The following POLRMT variants were observed in gnomAD, a reference collection of about 807,000 sequenced individuals.
The protein encoded by POLRMT is RNA polymerase mitochondrial.
In POLRMT, 114 loss-of-function variants were observed where a neutral mutation model predicts 132.2. The observed-to-expected ratio is 0.86, with a 90% CI of 0.74 to 1.01. The LOEUF (loss-of-function observed/expected upper bound fraction) is 1.01, where lower values mean the gene tolerates loss of function less well. Among genes scored for constraint, POLRMT ranks in the 50% least tolerant of loss-of-function variants. The pLI is 0.00. For synonymous variants in POLRMT, 1,020 were observed against 773.4 expected (o/e 1.32, Z -5.29); for missense variants, 2,003 against 1,729.1 (o/e 1.16, Z -2.81).
intron 3 of POLRMT, 72 bp downstream of exon 3, chr19:629,468 T>C: frequency 7.3e-7 from 1 of 1,373,004 alleles, no homozygotes; most frequent in Non-Finnish European, 9.5e-7. Context: ...GAGAGAAAAG[T>C]CCAGTCTAAA....
Position 623,559 on chromosome 19 carries a change from G to A in POLRMT, c.1185C>T (p.Thr395=), listed in dbSNP as rs745811844. ...SYPKLHLPLK[T]LQCLFEKQLH... ...GCTGCTTCTCAAAGAGGCACTGCAG[G>A]GTCTTCAAGGGCAGGTGCAGCTTCG... The change falls in exon 6 of 21, where the codon ACC becomes ACT. Residue 395 remains threonine, a synonymous_variant. Coordinates refer to ENST00000588649, the MANE Select transcript of POLRMT (RefSeq NM_005035.4). 1.9e-6 allele frequency: 3 copies of A among 1,613,708 alleles called. No homozygotes were observed. The highest frequency in any genetic ancestry group is 1.7e-5 in the Admixed American group (1 of 60,026).
In POLRMT at chr19:629,890, T is replaced by A. The variant is rs1025070724; in HGVS notation, c.472A>T (p.Arg158Trp). 6.2e-7 allele frequency: 1 copy of A among 1,612,318 alleles called. No individual in the cohort carries two copies. Among genetic ancestry groups the A allele is most frequent in the African/African-American group, 1.3e-5 (1 of 74,868 alleles). ...AGCCGGGGCTCCACCTGCAGGCGCC[T>A]GGTCAGCGCCTTGAACTCCCCGCTC... ...FQSGEFKALT[R>W]RLQVEPRLLS... The change falls in exon 3 of 21, where the codon AGG (arginine) becomes TGG (tryptophan). Residue 158 changes from arginine to tryptophan, a missense_variant. Physicochemically the swap from Arg to Trp is moderately radical, Grantham distance 101 (BLOSUM62 -3). Transcript: ENST00000588649.
At chr19:617,720 C>T (rs1421962678) in intron 18 of POLRMT, 57 bp downstream of exon 18, 28 of 1,611,092 alleles carry the variant, frequency 1.7e-5, no homozygotes, top group East Asian at 2.2e-5. Context: ...CCCTACCCAA[C>T]GCCCCAGTGT....
At chr19:620,268 G>A (rs1984413064) in intron 11 of POLRMT, 97 bp downstream of exon 11, 5 of 1,461,566 alleles carry the variant, frequency 3.4e-6, no homozygotes, top group African/African-American at 1.4e-5. Context: ...CACCTCCAGA[G>A]AATACCACGA....
At chr19:632,975 C>G in intron 1 of POLRMT, 37 bp from the exon 2 acceptor site, 3 of 1,425,644 alleles carry the variant, frequency 2.1e-6, no homozygotes, top group South Asian at 1.3e-5. Context: ...CGGGGCCGGG[C>G]GTGTGGGCGG....
At chr19:626,898 C>CACACACACACACACAAAT (rs371959370) in intron 3 of POLRMT, among the ~76,000 whole-genome samples, 1 of 146,736 alleles carries the variant, frequency 6.8e-6, no homozygotes, top group African/African-American at 2.5e-5. Flanking sequence ...CACACACACA[C>CACACACACACACACAAAT]ATATATATAT....
In POLRMT at chr19:618,870, C is replaced by T. The variant is rs530562168; in HGVS notation, c.3268-110G>A. ...GCACGCTAGGATGGTGGCACACTGGCGCGGGATGGGGTGGCACACTGGGGC... is the reference window on the plus strand; with the variant it reads ...GCACGCTAGGATGGTGGCACACTGGTGCGGGATGGGGTGGCACACTGGGGC... On this transcript the variant is annotated intron_variant, in intron 15 of 20. Coordinates refer to ENST00000588649, the MANE Select transcript of POLRMT (RefSeq NM_005035.4). 1.8e-5 allele frequency: 25 copies of T among 1,395,334 alleles called. No individual in the cohort carries two copies. The East Asian group carries it at 3.3e-4, about 18-fold the overall frequency. 86.4% of individuals were successfully genotyped at this position (1,395,334 alleles called of 1,614,324 possible).
rs374568410 is a variant in POLRMT, at chr19:619,051, G to A, written c.3213C>T (p.Val1071=). The A allele has an allele frequency of 1.9e-6, 3 of 1,607,874 alleles. No homozygotes were observed. Among genetic ancestry groups the A allele is most frequent in the Non-Finnish European group, 2.5e-6 (3 of 1,177,532 alleles). ...GGATGACGGGGACGCCCAGGGGTGTGACCCACTCCACCACAGAGCCCATGT... is the reference window on the plus strand; with the variant it reads ...GGATGACGGGGACGCCCAGGGGTGTAACCCACTCCACCACAGAGCCCATGT... The part of the protein sequence containing the change: ...ISHMGSVVEW[V]TPLGVPVIQP... Residue 1071 remains valine (V), a synonymous_variant, in exon 15 of 21, where the codon GTC becomes GTT. Coordinates refer to ENST00000588649, the MANE Select transcript of POLRMT (RefSeq NM_005035.4).
At chr19:620,343 G>C (rs754714028) in intron 11 of POLRMT, 22 bp downstream of exon 11, 3 of 1,554,894 alleles carry the variant, frequency 1.9e-6, no homozygotes, top group South Asian at 2.4e-5. Flanking sequence ...ACGGCCTCGG[G>C]GGCCAGACCC....
rs763208241 is a variant in POLRMT at position 617,433 on chromosome 19, G to A, written c.3629C>T (p.Ala1210Val). The A allele has an allele frequency of 1.1e-5, 17 of 1,611,828 alleles. No individual in the cohort carries two copies. In the Admixed American group the frequency reaches 1.5e-4, roughly 14 times the overall value. ...CACCCGCCTACCTGGCTTGGGCACC[G>A]CCTGCAGTGTCTCCTTCAGCTGGCT... is the stretch of plus-strand genomic sequence containing the variant. ...EASQLKETLQ[A>V]VPKPGAFDLE... Residue 1210 changes from alanine to valine, a missense_variant, in exon 20 of 21, where the codon GCG becomes GTG. Physicochemically the swap from Ala to Val is moderately conservative, Grantham distance 64 (BLOSUM62 0). Transcript: ENST00000588649.
intron 19 of POLRMT, 28 bp downstream of exon 19, chr19:617,542 A>T: frequency 6.2e-7 from 1 of 1,609,678 alleles, no homozygotes. Context: ...GGGGGAATCC[A>T]GGTAGTTGGG....
At chr19:618,449 G>T in intron 17 of POLRMT, 39 bp downstream of exon 17, 1 of 1,486,516 alleles carries the variant, frequency 6.7e-7, no homozygotes, top group South Asian at 1.2e-5. Context: ...AGACGCCCCT[G>T]GGAGGCGAGC....
At position 624,591 on chromosome 19, in the gene POLRMT, A is replaced by T. The variant is rs1196394762; in HGVS notation, c.1140+128T>A. The T allele has an allele frequency of 2.9e-6, 3 of 1,051,426 alleles. No homozygotes were observed. In the East Asian group the frequency reaches 8.0e-5, roughly 28 times the overall value. The allele number at this position is 1,051,426 out of a possible 1,614,324, so 65.1% of individuals were successfully genotyped here. A position where few individuals can be genotyped will look rare whatever the true frequency, so the allele number is the denominator to read the frequency against. Reference sequence around the variant, plus strand: ...TCCCATCTTCTCAGAGGAGGAAGGGAGGAATTCAGGGCCCAGCCCAGGTGA... The same window carrying T: ...TCCCATCTTCTCAGAGGAGGAAGGGTGGAATTCAGGGCCCAGCCCAGGTGA... On this transcript the variant is annotated intron_variant, in intron 5 of 20. Coordinates refer to ENST00000588649, the MANE Select transcript of POLRMT (RefSeq NM_005035.4).
Position 633,487 on chromosome 19 carries a change from C to T in POLRMT, c.26G>A (p.Gly9Glu). ...TAGGGCTCGTTTGAGCCCCGCCGCT[C>T]CGCGGCCCCAGCAAAGTGCCGACAT... MSALCWGRGAAGLKRALRP... is the reference protein window; with the variant it reads MSALCWGREAAGLKRALRP... Residue 9 changes from glycine to glutamate, a missense_variant, in exon 1 of 21, where the codon GGA becomes GAA. Physicochemically the swap from Gly to Glu is moderately conservative, Grantham distance 98. Transcript: ENST00000588649. 6.4e-7 allele frequency: 1 copy of T among 1,559,114 alleles called. No homozygotes were observed. Among genetic ancestry groups the T allele is most frequent in the Non-Finnish European group, 8.7e-7 (1 of 1,154,964 alleles).
In POLRMT at chr19:619,776, G is replaced by A. The variant is rs545265989; in HGVS notation, c.2887-11C>T. 3 of 1,556,414 alleles carry A rather than the reference G, an allele frequency of 1.9e-6. No homozygotes were observed. Among genetic ancestry groups the A allele is most frequent in the Admixed American group, 1.9e-5 (1 of 53,476 alleles). ...ACGGAACACCTCCACCTGCACGGCG[G>A]GTGGGCCGGGGGCGCGGGTCAGCCC... On this transcript the variant is annotated splice_polypyrimidine_tract_variant and intron_variant, in intron 12 of 20. Coordinates refer to ENST00000588649, the MANE Select transcript of POLRMT (RefSeq NM_005035.4).
intron 2 of POLRMT, among the ~76,000 whole-genome samples, chr19:630,411 G>A (rs1213709753): frequency 2.6e-5 from 4 of 152,116 alleles, no homozygotes; most frequent in Non-Finnish European, 4.4e-5. Flanking sequence ...CTAACAAGCT[G>A]CCACCGAAAC....
chr19:632,682 A>C, intron 2 of POLRMT, 152 bp downstream of exon 2: 1 of 609,774 alleles, frequency 1.6e-6, no homozygotes, highest in Non-Finnish European at 2.8e-6. Flanking sequence ...GAGCGGTGCA[A>C]GAGATGTTTC....
chr19:619,052 A>C lies in POLRMT; in HGVS notation c.3212T>G (p.Val1071Gly). ...ISHMGSVVEW[V>G]TPLGVPVIQP... is the part of the protein sequence containing the mutation. ...GATGACGGGGACGCCCAGGGGTGTGACCCACTCCACCACAGAGCCCATGTG... is the reference window on the plus strand; with the variant it reads ...GATGACGGGGACGCCCAGGGGTGTGCCCCACTCCACCACAGAGCCCATGTG... Residue 1071 changes from valine to glycine, a missense_variant, in exon 15 of 21, where the codon GTC becomes GGC. Transcript: ENST00000588649. 6.2e-7 allele frequency: 1 copy of C among 1,607,460 alleles called. No homozygotes were observed. Among genetic ancestry groups the C allele is most frequent in the African/African-American group, 1.3e-5 (1 of 74,420 alleles).
chr19:618,936 AC>A, intron 15 of POLRMT, 60 bp downstream of exon 15: 1 of 1,419,688 alleles, frequency 7.0e-7, no homozygotes. Context: ...GCACTGGTAC[AC>A]TGGGACGCTG....
Sources: gnomAD v4.1 joint callset for allele counts (sites outside exome capture counted in the v4.1 genomes callset) on GRCh38, gnomAD v4.1.1 for gene constraint, MANE v1.5 for transcripts, NCBI Gene and HGNC (gene_info 2026-07-23, HGNC 2026-07-21) for gene names.